The following HECTD4 variants were observed in gnomAD, a reference collection of about 807,000 sequenced individuals.
HECTD4 encodes probable E3 ubiquitin-protein ligase HECTD4.
A neutral mutation model predicts 471.5 loss-of-function variants in HECTD4; 114 were observed. The observed-to-expected ratio is 0.24, with a 90% CI of 0.21 to 0.28. HECTD4 has a LOEUF of 0.28. Among genes scored for constraint, HECTD4 ranks in the 10% least tolerant of loss-of-function variants. The pLI is 1.00. For synonymous variants in HECTD4, 2,012 were observed against 2,256.0 expected, an observed-to-expected ratio of 0.89 and a Z score of 3.07; for missense variants, 3,866 against 5,651.5, an observed-to-expected ratio of 0.68 and a Z score of 10.13.
rs1348853239 is a variant in HECTD4 at position 112,210,207 on chromosome 12, C to T, written c.7675G>A (p.Ala2559Thr). The T allele has an allele frequency of 6.2e-6, 10 of 1,613,794 alleles. No individual in the cohort carries two copies. The highest frequency in any genetic ancestry group is 2.7e-5 in the African/African-American group (2 of 74,904). Residue 2559 changes from alanine to threonine, a missense_variant, in exon 50 of 76, where the codon GCG (alanine) becomes ACG (threonine). By Grantham distance (58) the Ala-to-Thr change is moderately conservative. This residue lies in a region of HECTD4 where 617 missense variants were observed against 915.1 expected (regional missense o/e 0.67). Coordinates refer to ENST00000682272, the MANE Select transcript of HECTD4 (RefSeq NM_001388303.1). Reference protein sequence around the residue: ...ANFGSRPFAYAEGQAHRNAAD... With the variant: ...ANFGSRPFAYTEGQAHRNAAD... ...GCATTGCGGTGGGCCTGCCCTTCCG[C>T]GTAGGCAAACGGCCGGGAGCCAAAG...
chr12:112,378,899 G>A (rs2036834748), intron 1 of HECTD4, among the ~76,000 whole-genome samples: 1 of 152,116 alleles, frequency 6.6e-6, no homozygotes, highest in Admixed American at 6.6e-5. Flanking sequence ...AAAATTAGCT[G>A]GGTGTGGCGG....
At chr12:112,371,301 C>T (rs777049705) in intron 1 of HECTD4, among the ~76,000 whole-genome samples, 7 of 151,928 alleles carry the variant, frequency 4.6e-5, no homozygotes, top group South Asian at 4.2e-4. Flanking sequence ...TCCAGCCAGG[C>T]GCGGTGGTTC....
chr12:112,245,185 G>T (rs1474991095), intron 29 of HECTD4, among the ~76,000 whole-genome samples: 1 of 151,820 alleles, frequency 6.6e-6, no homozygotes, highest in Non-Finnish European at 1.5e-5. Context: ...ATATTTTTTT[G>T]TAGAGACCAG....
intron 25 of HECTD4, 29 bp downstream of exon 25, chr12:112,250,115 G>T (rs778035559): frequency 6.5e-7 from 1 of 1,535,980 alleles, no homozygotes; most frequent in South Asian, 1.1e-5. Context: ...TTCCCATTGG[G>T]AAAAGTAAAA....
Position 112,258,594 on chromosome 12 carries a change from C to T in HECTD4, c.3030G>A (p.Thr1010=), listed in dbSNP as rs371447838. 2.6e-5 allele frequency: 42 copies of T among 1,595,930 alleles called. No homozygotes were observed. Among genetic ancestry groups the T allele is most frequent in the South Asian group, 8.0e-5 (7 of 88,036 alleles). The part of the protein sequence containing the change: ...LVQLVLYTSQ[T]ALLLKTQCPV... The stretch of plus-strand genomic sequence containing the variant: ...GACACTGGGTTTTAAGCAGCAACGC[C>T]GTCTGAAACACAAAACCATCATTAT... The change falls in exon 20 of 76, where the codon ACG becomes ACA. Residue 1010 remains threonine, a splice_region_variant and synonymous_variant. Transcript: ENST00000682272.
intron 37 of HECTD4, among the ~76,000 whole-genome samples, chr12:112,234,396 C>T (rs1382826912): frequency 6.6e-6 from 1 of 152,102 alleles, no homozygotes; most frequent in Non-Finnish European, 1.5e-5. Flanking sequence ...TTTCAGTTGC[C>T]ATAATGGCAG....
chr12:112,230,916 TC>T, intron 39 of HECTD4, 94 bp from the exon 40 acceptor site: 1 of 1,195,624 alleles, frequency 8.4e-7, no homozygotes, highest in Non-Finnish European at 1.2e-6. Context: ...GAAAACCTTT[TC>T]TTTTTATACA....
chr12:112,283,009 C>A, intron 8 of HECTD4, 101 bp downstream of exon 8: 1 of 850,010 alleles, frequency 1.2e-6, no homozygotes, highest in Non-Finnish European at 1.7e-6. Context: ...GTCAACTATG[C>A]AAAGGAAAGG....
chr12:112,339,972 C>T lies in HECTD4; in HGVS notation c.178-20230G>A, dbSNP rs534220550. Among the ~76,000 whole-genome samples the T allele has an allele frequency of 5.9e-5, 9 of 151,798 alleles. No homozygotes were observed. The South Asian group carries it at 1.0e-3, about 18-fold the overall frequency. On this transcript the variant is annotated intron_variant, in intron 1 of 75. Coordinates refer to ENST00000682272, the MANE Select transcript of HECTD4 (RefSeq NM_001388303.1). ...GCTGAGGCAGGAGAATCGTTTGAAC[C>T]CGGGAGGCAATGGTTGCAGTGAGCC...
chr12:112,274,003 T>C (rs1205237831), intron 10 of HECTD4, among the ~76,000 whole-genome samples: 1 of 152,270 alleles, frequency 6.6e-6, no homozygotes, highest in African/African-American at 2.4e-5. Flanking sequence ...TTAACTCCTG[T>C]GTGAGGAGTA....
chr12:112,275,736 C>T (rs77999659), intron 9 of HECTD4, among the ~76,000 whole-genome samples: 1 of 152,008 alleles, frequency 6.6e-6, no homozygotes, highest in East Asian at 1.9e-4. Flanking sequence ...ATTTTAATCA[C>T]CCTAGTAGCC....
At chr12:112,368,896 T>C (rs910686806) in intron 1 of HECTD4, among the ~76,000 whole-genome samples, 1 of 152,182 alleles carries the variant, frequency 6.6e-6, no homozygotes, top group Non-Finnish European at 1.5e-5. Flanking sequence ...GAATCACTCA[T>C]GTTATTAGCA....
At chr12:112,376,230 C>A (rs991212387) in intron 1 of HECTD4, among the ~76,000 whole-genome samples, 4 of 151,884 alleles carry the variant, frequency 2.6e-5, no homozygotes, top group Middle Eastern at 3.4e-3. Context: ...TAAGCAAAAG[C>A]CTCACTCTGC....
chr12:112,308,533 T>C (rs1169636996), intron 6 of HECTD4, among the ~76,000 whole-genome samples: 1 of 151,646 alleles, frequency 6.6e-6, no homozygotes, highest in Non-Finnish European at 1.5e-5. Context: ...AAAAAAAGTT[T>C]GTTGTAGGCT....
intron 1 of HECTD4, among the ~76,000 whole-genome samples, chr12:112,363,644 C>T (rs1692555183): frequency 6.6e-6 from 1 of 151,974 alleles, no homozygotes; most frequent in Non-Finnish European, 1.5e-5. Flanking sequence ...CTCTGGAATT[C>T]ATTATTCTCT....
chr12:112,191,023 C>T, intron 59 of HECTD4, 58 bp from the exon 60 acceptor site: 1 of 1,429,532 alleles, frequency 7.0e-7, no homozygotes, highest in South Asian at 1.4e-5. Context: ...CCAAATAAGC[C>T]TCACAAAAGG....
At chr12:112,176,750 T>C (rs1302848864) in intron 64 of HECTD4, 48 bp from the exon 65 acceptor site, 2 of 1,310,808 alleles carry the variant, frequency 1.5e-6, no homozygotes, top group East Asian at 2.3e-5. Context: ...TCACACCTCC[T>C]CCCGATAGGA....
At chr12:112,351,485 T>C (rs1230681533) in intron 1 of HECTD4, among the ~76,000 whole-genome samples, 1 of 152,178 alleles carries the variant, frequency 6.6e-6, no homozygotes, top group Non-Finnish European at 1.5e-5. Context: ...CTTTTAATAG[T>C]AGAAAACCAG....
Position 112,347,685 on chromosome 12 carries a change from C to T in HECTD4, c.178-27943G>A, listed in dbSNP as rs146746244. 4.8e-3 allele frequency among the ~76,000 whole-genome samples: 726 copies of T among 152,324 alleles called. 10 individuals are homozygous for T. Among genetic ancestry groups the T allele is most frequent in the African/African-American group, 0.017 (690 of 41,568 alleles). On this transcript the variant is annotated intron_variant, in intron 1 of 75. Transcript: ENST00000682272. ...ACCCTAGTGGAGCTATGATTCACAA[C>T]CTTTCTTCTATTCCAACATAGCTGA... is the stretch of plus-strand genomic sequence containing the variant.
Sources: gnomAD v4.1 joint callset for allele counts (sites outside exome capture counted in the v4.1 genomes callset) on GRCh38, gnomAD v4.1.1 for gene constraint, gnomAD v4.1.1 regional missense constraint, MANE v1.5 for transcripts, NCBI Gene and HGNC (gene_info 2026-07-23, HGNC 2026-07-21) for gene names.